The following RIT2 variants were observed in gnomAD, a reference collection of about 807,000 sequenced individuals.
The protein encoded by RIT2 is Ras like without CAAX 2.
A neutral mutation model predicts 23.7 loss-of-function variants in RIT2; 24 were observed. The observed-to-expected ratio is 1.01, with a 90% CI of 0.73 to 1.43. The LOEUF is 1.43. Among genes scored for constraint, RIT2 ranks in the 40% most tolerant of loss-of-function variants. RIT2 has a pLI of 0.00. For missense variants in RIT2, 236 were observed against 266.9 expected (o/e 0.88, Z 0.81); for synonymous variants, 107 against 91.1 (o/e 1.17, Z -0.99).
chr18:43,092,351 A>C (rs2144361990), intron 1 of RIT2, among the ~76,000 whole-genome samples: 1 of 152,224 alleles, frequency 6.6e-6, no homozygotes, highest in Admixed American at 6.5e-5. Flanking sequence ...AAATGGAGTA[A>C]TCATACCTGC....
chr18:42,837,458 C>T (rs527240116), intron 4 of RIT2, among the ~76,000 whole-genome samples: 6 of 144,076 alleles, frequency 4.2e-5, no homozygotes, highest in African/African-American at 1.3e-4. Context: ...TGAGCCACCA[C>T]ACCTGGCCTC....
At chr18:43,063,448 G>C (rs550338425) in intron 1 of RIT2, among the ~76,000 whole-genome samples, 1 of 152,168 alleles carries the variant, frequency 6.6e-6, no homozygotes, top group South Asian at 2.1e-4. Context: ...ATTTGTGTAA[G>C]AACTTATTTT....
intron 1 of RIT2, among the ~76,000 whole-genome samples, chr18:43,110,441 T>C (rs1197616570): frequency 1.3e-5 from 2 of 152,160 alleles, no homozygotes; most frequent in Non-Finnish European, 2.9e-5. Context: ...GAAGACAATA[T>C]TTCATCATGC....
chr18:42,810,825 CT>C (rs1369287452), intron 4 of RIT2, among the ~76,000 whole-genome samples: 2 of 151,996 alleles, frequency 1.3e-5, no homozygotes, highest in African/African-American at 4.8e-5. Flanking sequence ...AAAATCTAAA[CT>C]TTTTATTTTG....
intron 3 of RIT2, among the ~76,000 whole-genome samples, chr18:42,965,405 C>G (rs1427111917): frequency 1.3e-5 from 2 of 152,068 alleles, no homozygotes; most frequent in Non-Finnish European, 2.9e-5. Context: ...TTAACTGTGC[C>G]TCTGCTTCAT....
chr18:42,907,835 G>A (rs1479891873), intron 4 of RIT2, among the ~76,000 whole-genome samples: 2 of 152,042 alleles, frequency 1.3e-5, no homozygotes, highest in East Asian at 3.9e-4. Context: ...TTAAGAATTA[G>A]TCAGGTGTGA....
chr18:43,081,056 C>T (rs992074210), intron 1 of RIT2, among the ~76,000 whole-genome samples: 6 of 151,978 alleles, frequency 3.9e-5, no homozygotes, highest in Non-Finnish European at 5.9e-5. Context: ...AGCAAATTGC[C>T]GGGAGTTTTG....
chr18:43,041,413 A>G (rs1912125333), intron 1 of RIT2, among the ~76,000 whole-genome samples: 1 of 152,188 alleles, frequency 6.6e-6, no homozygotes, highest in Non-Finnish European at 1.5e-5. Flanking sequence ...AGAAATGGAC[A>G]TTACTTAACG....
intron 4 of RIT2, among the ~76,000 whole-genome samples, chr18:42,919,907 G>A (rs1568030280): frequency 6.6e-6 from 1 of 152,104 alleles, no homozygotes; most frequent in Non-Finnish European, 1.5e-5. Flanking sequence ...TAGGGACAAA[G>A]ACCTTGGGAG....
intron 1 of RIT2, among the ~76,000 whole-genome samples, chr18:43,050,176 A>G (rs1912345795): frequency 6.6e-6 from 1 of 151,188 alleles, no homozygotes; most frequent in African/African-American, 2.4e-5. Context: ...GCAAGTGTGC[A>G]CCACCAGGAC....
intron 1 of RIT2, among the ~76,000 whole-genome samples, chr18:43,053,722 G>A (rs1912437194): frequency 6.6e-6 from 1 of 151,912 alleles, no homozygotes; most frequent in Non-Finnish European, 1.5e-5. Flanking sequence ...GAAAATAAAA[G>A]GCATTATCAA....
At position 43,009,986 on chromosome 18, in the gene RIT2, T is replaced by C. The variant is rs138105029; in HGVS notation, c.160+23825A>G. On this transcript the variant is annotated intron_variant, in intron 2 of 4. Transcript: ENST00000326695. The stretch of plus-strand genomic sequence containing the variant: ...ACTCTCCCAGCTAGTGCCAAATGAT[T>C]GCACACAATATAAATCATGTTTGTT... Among the ~76,000 whole-genome samples the C allele has an allele frequency of 1.8e-3, 266 of 151,932 alleles. 1 individual carries two copies. Among genetic ancestry groups the C allele is most frequent in the African/African-American group, 5.6e-3 (232 of 41,522 alleles).
chr18:43,102,157 T>TCC (rs1300119791), intron 1 of RIT2, among the ~76,000 whole-genome samples: 1 of 152,172 alleles, frequency 6.6e-6, no homozygotes, highest in African/African-American at 2.4e-5. Context: ...TCTTAGGATT[T>TCC]CCTCTTATCA....
chr18:42,935,982 C>T (rs1311341586), intron 3 of RIT2, among the ~76,000 whole-genome samples: 1 of 151,700 alleles, frequency 6.6e-6, no homozygotes, highest in African/African-American at 2.4e-5. Flanking sequence ...CAATCCAAGG[C>T]AGTTTCCTTT....
intron 4 of RIT2, among the ~76,000 whole-genome samples, chr18:42,813,113 T>C (rs1905897750): frequency 6.6e-6 from 1 of 152,336 alleles, no homozygotes; most frequent in South Asian, 2.1e-4. Context: ...TTGTTTGGCA[T>C]ATACAAACTT....
intron 4 of RIT2, among the ~76,000 whole-genome samples, chr18:42,884,950 C>A (rs1375064049): frequency 7.9e-5 from 12 of 152,142 alleles, no homozygotes; most frequent in Admixed American, 7.2e-4. Context: ...TAACCACTTG[C>A]AAAAAGTTTC....
chr18:43,002,920 A>T (rs1173118239), intron 2 of RIT2, among the ~76,000 whole-genome samples: 1 of 151,960 alleles, frequency 6.6e-6, no homozygotes, highest in Non-Finnish European at 1.5e-5. Flanking sequence ...TTAAAGAGAG[A>T]GAGGCAGAAG....
At chr18:42,913,277 T>G (rs1908819122) in intron 4 of RIT2, among the ~76,000 whole-genome samples, 1 of 151,714 alleles carries the variant, frequency 6.6e-6, no homozygotes, top group Non-Finnish European at 1.5e-5. Context: ...ATGATAGAAT[T>G]TTTAGAAAAG....
At chr18:42,949,286 CAAAT>C (rs1909795228) in intron 3 of RIT2, among the ~76,000 whole-genome samples, 1 of 151,970 alleles carries the variant, frequency 6.6e-6, no homozygotes, top group Non-Finnish European at 1.5e-5. Context: ...GTCTAAATAA[CAAAT>C]AGAGAGAGGC....
Sources: allele counts gnomAD v4.1 joint callset (sites outside exome capture counted in the v4.1 genomes callset), GRCh38; gene constraint gnomAD v4.1.1; transcripts MANE v1.5; gene names NCBI Gene and HGNC (gene_info 2026-07-23, HGNC 2026-07-21).